Variants in SYMPK observed in about 807,000 individuals in gnomAD.
SYMPK encodes symplekin.
Under a neutral mutation model 136.4 loss-of-function variants are expected in SYMPK, and 49 were observed. The observed-to-expected ratio is 0.36, with a 90% CI of 0.29 to 0.46. SYMPK has a LOEUF of 0.46. SYMPK is among the 20% of genes least tolerant of loss of function. The pLI is 1.00. For missense variants in SYMPK, 1,365 were observed against 1,690.0 expected (o/e 0.81, Z 3.37); for synonymous variants, 766 against 713.0 (o/e 1.07, Z -1.19).
chr19:45,860,033 G>A (rs1568629667), intron 1 of SYMPK, among the ~76,000 whole-genome samples: 1 of 151,530 alleles, frequency 6.6e-6, no homozygotes, highest in Non-Finnish European at 1.5e-5. Context: ...TGGAGGCTAA[G>A]GTGGGAGGAT....
intron 14 of SYMPK, 160 bp from the exon 15 acceptor site, chr19:45,828,078 C>G: frequency 1.6e-6 from 1 of 616,946 alleles, no homozygotes; most frequent in Non-Finnish European, 2.9e-6. Flanking sequence ...GAACAGGGTT[C>G]AAAAGCTGGC....
At position 45,863,120 on chromosome 19, in the gene SYMPK, C is replaced by G. The variant is rs868300769; in HGVS notation, c.-75G>C. On this transcript the variant is annotated 5_prime_UTR_variant, in exon 1 of 27. Coordinates refer to ENST00000245934, the MANE Select transcript of SYMPK (RefSeq NM_004819.3). ...CAGTGCCTCTTCCTACACTCCGCCG[C>G]CGCCGCCGCCGCCATCTTCCGTTCG... is the stretch of plus-strand genomic sequence containing the variant. The G allele has an allele frequency of 4.9e-6, 2 of 405,700 alleles. No homozygotes were observed. The highest frequency in any genetic ancestry group is 3.2e-4 in the Middle Eastern group (1 of 3,174). The allele number at this position is 405,700 out of a possible 1,614,324, so 25.1% of individuals were successfully genotyped here.
intron 9 of SYMPK, among the ~76,000 whole-genome samples, chr19:45,841,559 C>T (rs1026185133): frequency 4.6e-5 from 7 of 152,266 alleles, no homozygotes; most frequent in Non-Finnish European, 1.0e-4. Flanking sequence ...TCCCAAAGTG[C>T]TGGGATTACA....
intron 5 of SYMPK, among the ~76,000 whole-genome samples, chr19:45,850,893 G>A (rs1021479529): frequency 5.9e-5 from 9 of 151,978 alleles, no homozygotes; most frequent in Admixed American, 5.9e-4. Context: ...GCATGGGAGC[G>A]GGCAGGAAGG....
intron 8 of SYMPK, chr19:45,842,825 C>A (rs992548671): frequency 2.2e-5 from 6 of 277,714 alleles, no homozygotes; most frequent in African/African-American, 8.8e-5. Flanking sequence ...AAACCCCCAA[C>A]TGAACTGCTG....
intron 23 of SYMPK, chr19:45,817,221 C>A: frequency 2.0e-6 from 1 of 501,344 alleles, no homozygotes. Flanking sequence ...AGAGCTCCCC[C>A]TGGGCCAGGC....
In SYMPK at chr19:45,821,344, G is replaced by C. The variant is rs769512735; in HGVS notation, c.2893+40C>G. 6.7e-7 allele frequency: 1 copy of C among 1,491,736 alleles called. No homozygotes were observed. The highest frequency in any genetic ancestry group is 1.4e-5 in the African/African-American group (1 of 72,620). The allele number at this position is 1,491,736 out of a possible 1,614,324, so 92.4% of individuals were successfully genotyped here. A position where few individuals can be genotyped will look rare whatever the true frequency, so the allele number is the denominator to read the frequency against. On this transcript the variant is annotated intron_variant, in intron 22 of 26. Coordinates refer to ENST00000245934, the MANE Select transcript of SYMPK (RefSeq NM_004819.3). This position sits in a 1 kb window ranked among gnomAD's most constrained non-coding sequence, Gnocchi z 4.4. ...GTGACTGAGGTCCTGCCCTGGCGTC[G>C]CAGGGGCCAGGCCACTGGAGTGGGG...
chr19:45,827,679 C>T, intron 15 of SYMPK, 56 bp from the exon 16 acceptor site: 3 of 1,539,798 alleles, frequency 1.9e-6, no homozygotes, highest in Non-Finnish European at 2.7e-6. Context: ...CCTCTGGGCT[C>T]TGTCTTTCCT....
intron 6 of SYMPK, 147 bp from the exon 7 acceptor site, chr19:45,848,148 C>G (rs1303749118): frequency 9.3e-7 from 1 of 1,073,850 alleles, no homozygotes; most frequent in African/African-American, 1.6e-5. Context: ...CAACTCTGCC[C>G]CAGCCCAGTG....
chr19:45,843,932 G>A, intron 8 of SYMPK, 98 bp downstream of exon 8: 1 of 1,085,398 alleles, frequency 9.2e-7, no homozygotes, highest in Non-Finnish European at 1.2e-6. Flanking sequence ...GACAGAGCGA[G>A]ACTCTGTCTC....
intron 9 of SYMPK, among the ~76,000 whole-genome samples, chr19:45,838,923 G>A (rs1249994057): frequency 2.0e-5 from 3 of 152,162 alleles, no homozygotes; most frequent in Non-Finnish European, 2.9e-5. Flanking sequence ...AGTCTTGCTC[G>A]TCACCGAGGC....
rs762280455 is a variant in SYMPK, at chr19:45,821,188, AGGAG to A, written c.2893+192_2893+195del. On this transcript the variant is annotated intron_variant, in intron 22 of 26. Transcript: ENST00000245934. This position sits in a 1 kb window ranked among gnomAD's most constrained non-coding sequence, Gnocchi z 4.4. ...GGGTAAAACCTGGGAGGAAGGAAGGAGGAGGGAGGGAGGGAGGGAGGGAAGAGGA... is the reference window on the plus strand; with the variant it reads ...GGGTAAAACCTGGGAGGAAGGAAGGAGGAGGGAGGGAGGGAGGGAAGAGGA... The A allele has an allele frequency of 5.8e-4, 217 of 372,216 alleles. No homozygotes were observed. The highest frequency in any genetic ancestry group is 1.8e-3 in the African/African-American group (46 of 25,340). The allele number at this position is 372,216 out of a possible 1,614,324, so 23.1% of individuals were successfully genotyped here.
chr19:45,847,816 G>C lies in SYMPK; in HGVS notation c.612C>G (p.Pro204=), dbSNP rs779545756. The part of the protein sequence containing the change: ...LSPRMADSEI[P]RRQEHDISLD... ...GGCTGATATCATGCTCCTGGCGTCGGGGTATCTCTGAGTCAGCCATGCGGG... is the reference window on the plus strand; with the variant it reads ...GGCTGATATCATGCTCCTGGCGTCGCGGTATCTCTGAGTCAGCCATGCGGG... The change falls in exon 7 of 27, where the codon CCC becomes CCG. Residue 204 remains proline, a synonymous_variant. Coordinates refer to ENST00000245934, the MANE Select transcript of SYMPK (RefSeq NM_004819.3). 2 of 1,614,134 alleles carry C rather than the reference G, an allele frequency of 1.2e-6. No homozygotes were observed. Among genetic ancestry groups the C allele is most frequent in the Non-Finnish European group, 1.7e-6 (2 of 1,180,014 alleles).
Position 45,816,462 on chromosome 19 carries a change from G to T in SYMPK, c.3354+20C>A, listed in dbSNP as rs575819113. On this transcript the variant is annotated intron_variant, in intron 25 of 26. Transcript: ENST00000245934. ...GGTGGGAGTCTGGGGATCCAGATGG[G>T]TGGGCTGCAGGGCCCTCACCTCCTC... is the stretch of plus-strand genomic sequence containing the variant. 2 of 1,605,090 alleles carry T rather than the reference G, an allele frequency of 1.2e-6. No individual in the cohort carries two copies. The highest frequency in any genetic ancestry group is 1.3e-5 in the African/African-American group (1 of 74,930).
At chr19:45,837,610 C>G (rs962926908) in intron 10 of SYMPK, among the ~76,000 whole-genome samples, 1 of 107,776 alleles carries the variant, frequency 9.3e-6, no homozygotes, top group African/African-American at 3.8e-5. Flanking sequence ...AAGCGAGACT[C>G]TGCCTCAAAA....
Position 45,854,187 on chromosome 19 carries a change from T to G in SYMPK, c.159A>C (p.Thr53=). 1 of 1,614,134 alleles carries G rather than the reference T, an allele frequency of 6.2e-7. No individual in the cohort carries two copies. Among genetic ancestry groups the G allele is most frequent in the Non-Finnish European group, 8.5e-7 (1 of 1,180,012 alleles). Reference sequence around the variant, plus strand: ...CCCGGGCCCTCACCTGTTTGAGCACTGTGATCTTTGAGTCATTGGTGATCA... The same window carrying G: ...CCCGGGCCCTCACCTGTTTGAGCACGGTGATCTTTGAGTCATTGGTGATCA... ...AALITNDSKI[T]VLKQVQELII... Residue 53 remains threonine (T), a synonymous_variant, in exon 3 of 27, where the codon ACA becomes ACC. Transcript: ENST00000245934.
chr19:45,839,869 C>A (rs1352038932), intron 9 of SYMPK, among the ~76,000 whole-genome samples: 5 of 151,850 alleles, frequency 3.3e-5, no homozygotes, highest in South Asian at 4.2e-4. Context: ...CACAAAAAAA[C>A]CACTGGGTGA....
At chr19:45,846,677 G>A (rs1971568269) in intron 7 of SYMPK, among the ~76,000 whole-genome samples, 1 of 152,152 alleles carries the variant, frequency 6.6e-6, no homozygotes. Context: ...ATGTGCACAG[G>A]AAAGATCTGA....
At chr19:45,837,874 A>G (rs1005689807) in intron 10 of SYMPK, among the ~76,000 whole-genome samples, 15 of 151,794 alleles carry the variant, frequency 9.9e-5, no homozygotes, top group Admixed American at 3.3e-4. Context: ...CCTGGAGAGG[A>G]GCGTGGGGAG....
Sources: allele counts gnomAD v4.1 joint callset (sites outside exome capture counted in the v4.1 genomes callset), GRCh38; gene constraint gnomAD v4.1.1; non-coding constraint Gnocchi (gnomAD v3.1); transcripts MANE v1.5; gene names NCBI Gene and HGNC (gene_info 2026-07-23, HGNC 2026-07-21).